MAP3K15: variants seen among roughly 807,000 people sequenced by gnomAD.
MAP3K15 encodes mitogen-activated protein kinase kinase kinase 15, also known as MAPK/ERK kinase kinase 15.
Under a neutral mutation model 99.5 loss-of-function variants are expected in MAP3K15, and 124 were observed. The ratio of observed to expected loss-of-function variants is 1.25; its 90% confidence interval spans 1.08 to 1.45. MAP3K15 has a LOEUF of 1.45. Ranked by LOEUF, MAP3K15 falls within the 40% of genes most tolerant of loss-of-function variation. The probability of loss-of-function intolerance (pLI) is 0.00; values close to 1 mark genes in which losing one functional copy is unlikely to be tolerated. For synonymous variants in MAP3K15, 494 were observed against 439.6 expected (o/e 1.12, Z -1.55); for missense variants, 1,242 against 1,079.7 (o/e 1.15, Z -2.11).
chrX:19,478,759 G>T (rs922127377), intron 3 of MAP3K15, among the ~76,000 whole-genome samples: 17 of 100,242 alleles, frequency 1.7e-4, no homozygotes, highest in Non-Finnish European at 3.0e-4. Flanking sequence ...TTTTAATAAG[G>T]TTTTTTTTTT....
At chrX:19,380,740 G>A (rs145899715) in intron 18 of MAP3K15, among the ~76,000 whole-genome samples, 4,412 of 112,329 alleles carry the variant, frequency 0.039, 213 homozygotes, top group African/African-American at 0.13. Context: ...GGGCCAGGCT[G>A]GTCTCTCTGA....
In MAP3K15 at chrX:19,494,897, G is replaced by A. The variant is rs527608288; in HGVS notation, c.362-5930C>T. ...TACCTTTAAAAAAAAAAAAAGCCCAGATATACTGGACAGAAGGCACCTCTC... is the reference window on the plus strand; with the variant it reads ...TACCTTTAAAAAAAAAAAAAGCCCAAATATACTGGACAGAAGGCACCTCTC... On this transcript the variant is annotated intron_variant, in intron 1 of 28. Coordinates refer to ENST00000338883, the MANE Select transcript of MAP3K15 (RefSeq NM_001001671.4). Among the ~76,000 whole-genome samples, 4 of 86,452 alleles carry A rather than the reference G, an allele frequency of 4.6e-5. No homozygotes were observed. The South Asian group carries it at 1.7e-3, about 36-fold the overall frequency. 75.1% of individuals were successfully genotyped at this position (86,452 alleles called of 115,157 possible).
rs2063329259 is a variant in MAP3K15 at position 19,365,607 on chromosome X, T to C, written c.3567-2757A>G. ...TGGCCCCCACACTTTTATTGTTTGC[T>C]TACATACCTAGTACATGGGATTTGT... On this transcript the variant is annotated intron_variant, in intron 25 of 28. Transcript: ENST00000338883. 3.5e-5 allele frequency among the ~76,000 whole-genome samples: 4 copies of C among 112,820 alleles called. No individual in the cohort carries two copies. In the South Asian group the frequency reaches 1.4e-3, roughly 41 times the overall value.
At chrX:19,453,288 G>T (rs1008734689) in intron 6 of MAP3K15, among the ~76,000 whole-genome samples, 2 of 110,224 alleles carry the variant, frequency 1.8e-5, no homozygotes, top group African/African-American at 6.6e-5. Flanking sequence ...ATTACTTGAG[G>T]TCAGGAGTTT....
At chrX:19,407,654 A>T (rs745978233) in intron 12 of MAP3K15, among the ~76,000 whole-genome samples, 1 of 112,644 alleles carries the variant, frequency 8.9e-6, no homozygotes, top group South Asian at 3.7e-4. Context: ...TATTAAGGGA[A>T]TTTCTAGATT....
chrX:19,419,509 C>T (rs1353432680), intron 9 of MAP3K15, among the ~76,000 whole-genome samples: 2 of 110,526 alleles, frequency 1.8e-5, no homozygotes, highest in Non-Finnish European at 3.8e-5. Context: ...TATATATGCA[C>T]CCAATACAGG....
At position 19,422,473 on chromosome X, in the gene MAP3K15, A is replaced by G. The variant is rs756306667; in HGVS notation, c.1439+3058T>C. Among the ~76,000 whole-genome samples the G allele has an allele frequency of 6.2e-5, 7 of 112,212 alleles. No homozygotes were observed. In the East Asian group the frequency reaches 2.0e-3, roughly 31 times the overall value. The stretch of plus-strand genomic sequence containing the variant: ...CAGAAAAATGCAAACCAAAACTACA[A>G]TGAGATACCATCTCACACCAGTTAG... On this transcript the variant is annotated intron_variant, in intron 9 of 28. Coordinates refer to ENST00000338883, the MANE Select transcript of MAP3K15 (RefSeq NM_001001671.4).
At chrX:19,382,289 C>CTATAAA (rs1555943313) in intron 18 of MAP3K15, among the ~76,000 whole-genome samples, 2 of 105,221 alleles carry the variant, frequency 1.9e-5, no homozygotes, top group Non-Finnish European at 3.9e-5. Flanking sequence ...GGCGCACTGG[C>CTATAAA]TATAAAGAAA....
At chrX:19,361,207 G>C in intron 28 of MAP3K15, 132 bp downstream of exon 28, 1 of 523,077 alleles carries the variant, frequency 1.9e-6, no homozygotes, top group Non-Finnish European at 3.1e-6. Context: ...CCCCACCTTG[G>C]CTTTTTCCCA....
intron 1 of MAP3K15, among the ~76,000 whole-genome samples, chrX:19,493,346 C>CAAAAA: frequency 2.0e-5 from 1 of 49,177 alleles, no homozygotes; most frequent in African/African-American, 7.5e-5. Flanking sequence ...TACTGCTACT[C>CAAAAA]AAAAAAAAAA....
chrX:19,435,978 A>G (rs1296899585), intron 6 of MAP3K15, among the ~76,000 whole-genome samples: 2 of 111,198 alleles, frequency 1.8e-5, no homozygotes, highest in Non-Finnish European at 3.8e-5. Flanking sequence ...ACATGGTGAA[A>G]CCCTGTCTCC....
At chrX:19,494,001 G>C (rs993229155) in intron 1 of MAP3K15, among the ~76,000 whole-genome samples, 3 of 110,817 alleles carry the variant, frequency 2.7e-5, no homozygotes, top group African/African-American at 9.9e-5. Flanking sequence ...ATAAAATTCA[G>C]ATTTTCATTC....
At chrX:19,422,897 A>G (rs1017086346) in intron 9 of MAP3K15, among the ~76,000 whole-genome samples, 64 of 110,772 alleles carry the variant, frequency 5.8e-4, no homozygotes, top group Admixed American at 3.8e-3. Context: ...ATGAAGCTGG[A>G]AACCATCATT....
At position 19,360,676 on chromosome X, in the gene MAP3K15, G is replaced by GTATACA. The variant is rs1474494370; in HGVS notation, c.*67_*72dup. 1.3e-6 allele frequency: 1 copy of GTATACA among 783,801 alleles called. No homozygotes were observed. Among genetic ancestry groups the GTATACA allele is most frequent in the Non-Finnish European group, 1.9e-6 (1 of 518,666 alleles). The allele number at this position is 783,801 out of a possible 1,213,427, so 64.6% of individuals were successfully genotyped here. On this transcript the variant is annotated 3_prime_UTR_variant, in exon 29 of 29. Coordinates refer to ENST00000338883, the MANE Select transcript of MAP3K15 (RefSeq NM_001001671.4). ...AATATGTAAACACAGCGGAATTCGT[G>GTATACA]TATACACTAACAGAAGCTTTAACAA...
chrX:19,385,611 C>T, intron 18 of MAP3K15, among the ~76,000 whole-genome samples: 1 of 111,238 alleles, frequency 9.0e-6, no homozygotes, highest in Non-Finnish European at 1.9e-5. Context: ...ATAGCCTTGT[C>T]CATCTGACTC....
intron 6 of MAP3K15, among the ~76,000 whole-genome samples, chrX:19,451,449 A>AT (rs1569229126): frequency 3.5e-5 from 3 of 85,867 alleles, no homozygotes; most frequent in African/African-American, 1.8e-4. Context: ...TATATATATA[A>AT]AAAAAAAAAC....
chrX:19,474,560 G>A, intron 3 of MAP3K15, among the ~76,000 whole-genome samples: 1 of 95,107 alleles, frequency 1.1e-5, no homozygotes. Flanking sequence ...GGGGGTCTGT[G>A]AACTTGAAAG....
chrX:19,477,423 G>T (rs1214386651), intron 3 of MAP3K15, among the ~76,000 whole-genome samples: 2 of 111,649 alleles, frequency 1.8e-5, no homozygotes, highest in African/African-American at 6.5e-5. Flanking sequence ...ATGCAAAGGG[G>T]CTGGGCATGG....
intron 14 of MAP3K15, 49 bp downstream of exon 14, chrX:19,400,527 T>C (rs1336531678): frequency 1.1e-6 from 1 of 941,061 alleles, no homozygotes; most frequent in Non-Finnish European, 1.5e-6. Context: ...TCTTGAAGCA[T>C]CGAACACACA....
Sources: allele counts gnomAD v4.1 joint callset (sites outside exome capture counted in the v4.1 genomes callset), GRCh38; gene constraint gnomAD v4.1.1; transcripts MANE v1.5; gene names NCBI Gene and HGNC (gene_info 2026-07-23, HGNC 2026-07-21).